Variants in GFOD1 observed in about 807,000 individuals in gnomAD.
GFOD1 encodes the protein Gfo/Idh/MocA-like oxidoreductase domain containing 1.
GFOD1 carries 9 observed loss-of-function variants against 25.4 expected under a neutral mutation model. That is an observed-to-expected ratio of 0.35 (90% confidence interval 0.21 to 0.62). The LOEUF is 0.62. GFOD1 is among the 20% of genes least tolerant of loss of function. GFOD1 has a pLI of 0.72. For missense variants in GFOD1, 403 were observed against 556.9 expected (o/e 0.72, Z 2.78); for synonymous variants, 253 against 245.6 (o/e 1.03, Z -0.28).
chr6:13,470,624 C>T (rs2127577394), intron 1 of GFOD1: 1 of 1,472,636 alleles, frequency 6.8e-7, no homozygotes. Flanking sequence ...CCTCTGATGT[C>T]CTGGTTCTGT....
intron 1 of GFOD1, among the ~76,000 whole-genome samples, chr6:13,463,742 A>T (rs1404819276): frequency 6.6e-6 from 1 of 152,204 alleles, no homozygotes; most frequent in East Asian, 1.9e-4. Context: ...ATATTCATAC[A>T]TACATACGTA....
chr6:13,435,775 C>A (rs1450312854), intron 1 of GFOD1, among the ~76,000 whole-genome samples: 1 of 152,206 alleles, frequency 6.6e-6, no homozygotes, highest in Non-Finnish European at 1.5e-5. Context: ...CTTTTGCCTG[C>A]TGTTCTTGAC....
chr6:13,436,128 A>G (rs1231444662), intron 1 of GFOD1, among the ~76,000 whole-genome samples: 1 of 152,224 alleles, frequency 6.6e-6, no homozygotes, highest in Admixed American at 6.5e-5. Context: ...GAAGATTAAC[A>G]TTTCATACTT....
chr6:13,485,928 A>G (rs1758854645), intron 1 of GFOD1: 1 of 680,936 alleles, frequency 1.5e-6, no homozygotes, highest in Non-Finnish European at 1.8e-6. Context: ...GGTTTTACCA[A>G]ATCAGTCTTT....
intron 1 of GFOD1, among the ~76,000 whole-genome samples, chr6:13,481,718 G>C (rs145443459): frequency 2.0e-5 from 3 of 152,226 alleles, no homozygotes; most frequent in Non-Finnish European, 4.4e-5. Flanking sequence ...CCTTGTCTGC[G>C]TCCTGACCGT....
rs1315979465 is a variant in GFOD1, at chr6:13,365,625, C to T, written c.291G>A (p.Thr97=). The T allele has an allele frequency of 1.9e-6, 3 of 1,599,580 alleles. No individual in the cohort carries two copies. Among genetic ancestry groups the T allele is most frequent in the Non-Finnish European group, 2.5e-6 (3 of 1,178,546 alleles). ...AGGTCATGCGGAAAGCGTCCAGCGGCGTGGCCGTGCGGTCGCAGATGACGT... is the reference window on the plus strand; with the variant it reads ...AGGTCATGCGGAAAGCGTCCAGCGGTGTGGCCGTGCGGTCGCAGATGACGT... ...GKNVICDRTA[T]PLDAFRMTSA... is the part of the protein sequence containing the mutation. Residue 97 remains threonine, a synonymous_variant, in exon 2 of 2, where the codon ACG becomes ACA. Transcript: ENST00000379287. This position sits in a 1 kb window ranked among gnomAD's most constrained non-coding sequence, Gnocchi z 9.2.
At chr6:13,412,972 G>A (rs1786104563) in intron 1 of GFOD1, among the ~76,000 whole-genome samples, 1 of 152,198 alleles carries the variant, frequency 6.6e-6, no homozygotes, top group South Asian at 2.1e-4. Context: ...TCTTTCAAGT[G>A]GTCTCAGTGG....
At chr6:13,407,572 G>C (rs1785971591) in intron 1 of GFOD1, among the ~76,000 whole-genome samples, 2 of 152,228 alleles carry the variant, frequency 1.3e-5, no homozygotes. Context: ...TATGTCTCTA[G>C]GGAGTGTCTT....
intron 1 of GFOD1, among the ~76,000 whole-genome samples, chr6:13,385,949 C>T (rs1036032327): frequency 2.6e-5 from 4 of 152,158 alleles, no homozygotes; most frequent in African/African-American, 9.7e-5. Context: ...ATTCTCTTCT[C>T]CTTTAGATTT....
chr6:13,473,344 T>C (rs1253982978), intron 1 of GFOD1, among the ~76,000 whole-genome samples: 2 of 152,340 alleles, frequency 1.3e-5, no homozygotes, highest in South Asian at 2.1e-4. Flanking sequence ...AGCATGCCCC[T>C]GACTCCATCA....
chr6:13,430,437 AAAAT>A lies in GFOD1; in HGVS notation c.253+56197_253+56200del, dbSNP rs1212810534. ...GGGTGACAGAACGAGACTCCACCTCAAAATAAATAAATAAGTAAATAAATAAAAA... is the reference window on the plus strand; with the variant it reads ...GGGTGACAGAACGAGACTCCACCTCAAAATAAATAAGTAAATAAATAAAAA... On this transcript the variant is annotated intron_variant, in intron 1 of 1. Transcript: ENST00000379287. This position sits in a 1 kb window ranked among gnomAD's most constrained non-coding sequence, Gnocchi z 4.1. Among the ~76,000 whole-genome samples the A allele has an allele frequency of 1.3e-5, 2 of 152,170 alleles. No homozygotes were observed. The highest frequency in any genetic ancestry group is 2.9e-5 in the Non-Finnish European group (2 of 68,022).
At chr6:13,383,028 G>A (rs996654809) in intron 1 of GFOD1, among the ~76,000 whole-genome samples, 11 of 152,264 alleles carry the variant, frequency 7.2e-5, no homozygotes, top group Admixed American at 1.3e-4. Flanking sequence ...CATAGTATTC[G>A]AAGGTGTATA....
At chr6:13,391,645 T>A (rs1295391659) in intron 1 of GFOD1, among the ~76,000 whole-genome samples, 1 of 151,812 alleles carries the variant, frequency 6.6e-6, no homozygotes, top group Non-Finnish European at 1.5e-5. Flanking sequence ...AAAGCTTCAG[T>A]AGAGAATATT....
intron 1 of GFOD1, among the ~76,000 whole-genome samples, chr6:13,380,570 T>A (rs113291376): frequency 6.6e-6 from 1 of 152,098 alleles, no homozygotes; most frequent in Admixed American, 6.6e-5. Context: ...CGGAGACTTG[T>A]GTTGGCATTG....
At chr6:13,444,833 C>T (rs9474212) in intron 1 of GFOD1, among the ~76,000 whole-genome samples, 3,564 of 152,068 alleles carry the variant, frequency 0.023, 153 homozygotes, top group African/African-American at 0.081. Flanking sequence ...GGCCTGGAAC[C>T]GCACCCACAA....
intron 1 of GFOD1, among the ~76,000 whole-genome samples, chr6:13,385,676 T>C (rs1785454637): frequency 6.6e-6 from 1 of 152,222 alleles, no homozygotes; most frequent in Non-Finnish European, 1.5e-5. Context: ...GGTTAATTTC[T>C]ACTTGAAGAA....
chr6:13,369,591 G>A (rs951635727), intron 1 of GFOD1, among the ~76,000 whole-genome samples: 2 of 152,130 alleles, frequency 1.3e-5, no homozygotes, highest in African/African-American at 4.8e-5. Context: ...AAGCCCAGGA[G>A]TTTAAAGCTG....
At chr6:13,409,130 A>AAAGAAAGAAAGC (rs1562209330) in intron 1 of GFOD1, among the ~76,000 whole-genome samples, 6 of 47,244 alleles carry the variant, frequency 1.3e-4, no homozygotes, top group African/African-American at 2.6e-4. Context: ...AGAAAGAAAG[A>AAAGAAAGAAAGC]AAGAAAGAAA....
Position 13,365,681 on chromosome 6 carries a change from C to G in GFOD1, c.254-19G>C, listed in dbSNP as rs9367440. 812,157 of 1,564,228 alleles carry G rather than the reference C, an allele frequency of 0.52. 218,407 individuals carry two copies. The highest frequency in any genetic ancestry group is 0.68 in the East Asian group (30,387 of 44,454). ...CCGATGCCTGCGGGTGGGAGGAAGA[C>G]AGCGGTCAGCGGGGCAGGACCATGT... On this transcript the variant is annotated intron_variant, in intron 1 of 1. Coordinates refer to ENST00000379287, the MANE Select transcript of GFOD1 (RefSeq NM_018988.4). The surrounding 1 kb of genome is among the most constrained non-coding windows in gnomAD (Gnocchi z 9.2).
Sources: gnomAD v4.1 joint callset for allele counts (sites outside exome capture counted in the v4.1 genomes callset) on GRCh38, gnomAD v4.1.1 for gene constraint, Gnocchi (gnomAD v3.1) non-coding constraint, MANE v1.5 for transcripts, NCBI Gene and HGNC (gene_info 2026-07-23, HGNC 2026-07-21) for gene names.